TFDP1: variants seen among roughly 807,000 people sequenced by gnomAD.
TFDP1 encodes the protein DRTF1-polypeptide 1.
A neutral mutation model predicts 48.0 loss-of-function variants in TFDP1; 6 were observed. That is an observed-to-expected ratio of 0.13 (90% CI 0.07 to 0.25). The LOEUF (loss-of-function observed/expected upper bound fraction) is 0.25. TFDP1 is among the 10% of genes least tolerant of loss of function. TFDP1 has a pLI of 1.00. For missense variants in TFDP1, 335 were observed against 543.0 expected, an observed-to-expected ratio of 0.62 and a Z score of 3.81; for synonymous variants, 201 against 211.6, an observed-to-expected ratio of 0.95 and a Z score of 0.44.
chr13:113,590,351 G>A (rs2048109983), intron 2 of TFDP1, among the ~76,000 whole-genome samples: 1 of 152,192 alleles, frequency 6.6e-6, no homozygotes, highest in Non-Finnish European at 1.5e-5. Context: ...CTCTGCTAAT[G>A]CCAAGAGGGG....
intron 3 of TFDP1, among the ~76,000 whole-genome samples, chr13:113,621,698 C>T (rs2048998880): frequency 6.6e-6 from 1 of 152,238 alleles, no homozygotes; most frequent in African/African-American, 2.4e-5. Context: ...GTAACGCCAG[C>T]GTCTGGGAAG....
At chr13:113,629,622 A>G (rs1352975291) in intron 4 of TFDP1, among the ~76,000 whole-genome samples, 3 of 152,180 alleles carry the variant, frequency 2.0e-5, no homozygotes, top group Non-Finnish European at 4.4e-5. Flanking sequence ...CTGGGCTAAC[A>G]TGCGTGATCT....
At position 113,607,744 on chromosome 13, in the gene TFDP1, C is replaced by A. The variant is rs564713866; in HGVS notation, c.13-3252C>A. On this transcript the variant is annotated intron_variant, in intron 2 of 11. Coordinates refer to ENST00000375370, the MANE Select transcript of TFDP1 (RefSeq NM_007111.5). The surrounding 1 kb of genome is among the most constrained non-coding windows in gnomAD (Gnocchi z 5.2). ...AAGAAGCACTGCCCGCAAGGAGGGG[C>A]TGTGCCAGTGGGTGGCGGTGACGGG... Among the ~76,000 whole-genome samples, 14 of 152,190 alleles carry A rather than the reference C, an allele frequency of 9.2e-5. No homozygotes were observed. The highest frequency in any genetic ancestry group is 1.5e-4 in the Non-Finnish European group (10 of 68,022).
At chr13:113,625,373 C>T (rs1309412316) in intron 4 of TFDP1, among the ~76,000 whole-genome samples, 1 of 117,700 alleles carries the variant, frequency 8.5e-6, no homozygotes. Context: ...CCTCAGGCGT[C>T]TCTCACGTGT....
rs1196351850 is a variant in TFDP1 at position 113,623,943 on chromosome 13, C to T, written c.186+657C>T. 6.6e-6 allele frequency among the ~76,000 whole-genome samples: 1 copy of T among 152,220 alleles called. No homozygotes were observed. Among genetic ancestry groups the T allele is most frequent in the African/African-American group, 2.4e-5 (1 of 41,466 alleles). ...GGGAGCCCACACAGAATCCTGACCT[C>T]ACCAGAAATGGGGCCCCAGGCACTT... On this transcript the variant is annotated intron_variant, in intron 4 of 11. Transcript: ENST00000375370. The surrounding 1 kb of genome is among the most constrained non-coding windows in gnomAD (Gnocchi z 5.2).
Position 113,627,672 on chromosome 13 carries a change from C to T in TFDP1, c.187-3951C>T, listed in dbSNP as rs2049219090. On this transcript the variant is annotated intron_variant, in intron 4 of 11. Coordinates refer to ENST00000375370, the MANE Select transcript of TFDP1 (RefSeq NM_007111.5). This position sits in a 1 kb window ranked among gnomAD's most constrained non-coding sequence, Gnocchi z 4.1. ...GCCTGTTAGGAAGCTGGCCGCACAG[C>T]CGCCTGAGCCCTGCCTCCTGTCAGA... Among the ~76,000 whole-genome samples, 1 of 152,116 alleles carries T rather than the reference C, an allele frequency of 6.6e-6. No homozygotes were observed. The highest frequency in any genetic ancestry group is 1.5e-5 in the Non-Finnish European group (1 of 68,032).
At chr13:113,589,346 G>T (rs1408979352) in intron 2 of TFDP1, among the ~76,000 whole-genome samples, 1 of 152,166 alleles carries the variant, frequency 6.6e-6, no homozygotes, top group Non-Finnish European at 1.5e-5. Context: ...CAGCAGGAGC[G>T]CTGGCATAGC....
At chr13:113,609,246 C>T (rs2048646679) in intron 2 of TFDP1, among the ~76,000 whole-genome samples, 1 of 152,214 alleles carries the variant, frequency 6.6e-6, no homozygotes, top group Admixed American at 6.5e-5. Context: ...GCCTTGATCC[C>T]AGCCCCTTGG....
At chr13:113,610,947 G>C in intron 2 of TFDP1, 49 bp from the exon 3 acceptor site, 1 of 1,577,924 alleles carries the variant, frequency 6.3e-7, no homozygotes, top group Middle Eastern at 2.1e-4. Context: ...CCCTAGTTTC[G>C]TAGCCCTTTT....
chr13:113,628,660 G>T (rs1272960958), intron 4 of TFDP1, among the ~76,000 whole-genome samples: 1 of 152,198 alleles, frequency 6.6e-6, no homozygotes, highest in African/African-American at 2.4e-5. Context: ...CCCTTCCAGG[G>T]TCTCTGCCCA....
At chr13:113,609,173 C>T (rs1566650932) in intron 2 of TFDP1, among the ~76,000 whole-genome samples, 1 of 152,248 alleles carries the variant, frequency 6.6e-6, no homozygotes, top group Non-Finnish European at 1.5e-5. Context: ...CAGGTTCTTG[C>T]TCCACGGCTC....
chr13:113,599,220 T>G (rs897308157), intron 2 of TFDP1, among the ~76,000 whole-genome samples: 1 of 152,166 alleles, frequency 6.6e-6, no homozygotes, highest in African/African-American at 2.4e-5. Context: ...CTAAAAAATT[T>G]GTGGAACGTT....
At position 113,627,778 on chromosome 13, in the gene TFDP1, C is replaced by T. The variant is rs1408514931; in HGVS notation, c.187-3845C>T. On this transcript the variant is annotated intron_variant, in intron 4 of 11. Transcript: ENST00000375370. This position sits in a 1 kb window ranked among gnomAD's most constrained non-coding sequence, Gnocchi z 4.1. Reference sequence around the variant, plus strand: ...TCTAGGTGGCACTCCGTATGAGAATCGAATGCCTGATGATCTGAGGTGGGA... The same window carrying T: ...TCTAGGTGGCACTCCGTATGAGAATTGAATGCCTGATGATCTGAGGTGGGA... 2.0e-5 allele frequency among the ~76,000 whole-genome samples: 3 copies of T among 152,228 alleles called. No homozygotes were observed. The highest frequency in any genetic ancestry group is 2.1e-4 in the South Asian group (1 of 4,824).
At chr13:113,634,184 T>A in intron 7 of TFDP1, 151 bp downstream of exon 7, 1 of 1,125,056 alleles carries the variant, frequency 8.9e-7, no homozygotes, top group South Asian at 1.3e-5. Context: ...CCTGCGTTTC[T>A]CAGTCTTGGC....
rs148683028 is a variant in TFDP1 at position 113,609,020 on chromosome 13, C to T, written c.13-1976C>T. 4.0e-3 allele frequency among the ~76,000 whole-genome samples: 603 copies of T among 152,372 alleles called. 7 individuals are homozygous for T. Among genetic ancestry groups the T allele is most frequent in the African/African-American group, 0.014 (567 of 41,588 alleles). On this transcript the variant is annotated intron_variant, in intron 2 of 11. Coordinates refer to ENST00000375370, the MANE Select transcript of TFDP1 (RefSeq NM_007111.5). ...ACTAATGGGTGCCAGCACAGAGCCA[C>T]GCATGCCGGCCTTCAGGCACCATCG...
At position 113,633,684 on chromosome 13, in the gene TFDP1, C is replaced by T. The variant is rs4150785; in HGVS notation, c.475-206C>T. ...GCTGGGCTCGACACCCGAGAGCCCC[C>T]GGCTCTCCTTCTGGAACACACTCAG... On this transcript the variant is annotated intron_variant, in intron 6 of 11. Coordinates refer to ENST00000375370, the MANE Select transcript of TFDP1 (RefSeq NM_007111.5). The surrounding 1 kb of genome is among the most constrained non-coding windows in gnomAD (Gnocchi z 4.5). Among the ~76,000 whole-genome samples, 238 of 152,252 alleles carry T rather than the reference C, an allele frequency of 1.6e-3. No individual in the cohort carries two copies. Among genetic ancestry groups the T allele is most frequent in the African/African-American group, 5.4e-3 (225 of 41,558 alleles).
At chr13:113,625,881 CGTCCTCAGGTGTCTCTCACAT>C (rs1157157441) in intron 4 of TFDP1, among the ~76,000 whole-genome samples, 26 of 64,502 alleles carry the variant, frequency 4.0e-4, no homozygotes, top group Non-Finnish European at 5.9e-4. Context: ...GTCTCTCACG[CGTCCTCAGGTGTCTCTCACAT>C]GTCCTCAGGT....
intron 2 of TFDP1, among the ~76,000 whole-genome samples, chr13:113,588,885 G>A (rs2048071253): frequency 6.6e-6 from 1 of 151,742 alleles, no homozygotes; most frequent in African/African-American, 2.4e-5. Flanking sequence ...GGTGGTGTAG[G>A]TGGAGAGTGA....
At chr13:113,636,426 C>A in intron 9 of TFDP1, 108 bp from the exon 10 acceptor site, 2 of 1,270,454 alleles carry the variant, frequency 1.6e-6, no homozygotes, top group Non-Finnish European at 2.2e-6. Flanking sequence ...GACTGGGAAC[C>A]GGGAAGCTGT....
Sources: gnomAD v4.1 joint callset for allele counts (sites outside exome capture counted in the v4.1 genomes callset) on GRCh38, gnomAD v4.1.1 for gene constraint, Gnocchi (gnomAD v3.1) non-coding constraint, MANE v1.5 for transcripts, NCBI Gene and HGNC (gene_info 2026-07-23, HGNC 2026-07-21) for gene names.